The following FXYD6 variants were observed in gnomAD, a reference collection of about 807,000 sequenced individuals.
FXYD6 encodes the protein FXYD domain containing ion transport regulator 6, also known as FXYD domain-containing ion transport regulator 6.
FXYD6 carries 7 observed loss-of-function variants against 16.7 expected under a neutral mutation model. The observed-to-expected ratio is 0.42, with a 90% CI of 0.24 to 0.79. The LOEUF is 0.79. Among genes scored for constraint, FXYD6 ranks in the 30% least tolerant of loss-of-function variants. FXYD6 has a pLI of 0.28. For synonymous variants in FXYD6, 49 were observed against 43.0 expected, an observed-to-expected ratio of 1.14 and a Z score of -0.54; for missense variants, 111 against 116.2, an observed-to-expected ratio of 0.95 and a Z score of 0.21.
chr11:117,858,645 TTC>T (rs1490775515), intron 1 of FXYD6, among the ~76,000 whole-genome samples: 2 of 48,842 alleles, frequency 4.1e-5, no homozygotes, highest in African/African-American at 1.6e-4. Context: ...CTTTCTTTCT[TTC>T]TTTCTTTCTT....
At chr11:117,857,386 TCA>T (rs2056757110) in intron 1 of FXYD6, among the ~76,000 whole-genome samples, 2 of 150,330 alleles carry the variant, frequency 1.3e-5, no homozygotes, top group Admixed American at 1.3e-4. Context: ...GACAAACTGG[TCA>T]GATGTATTGG....
At position 117,843,222 on chromosome 11, in the gene FXYD6, A is replaced by G. The variant is rs552134950; in HGVS notation, c.-5-441T>C. Among the ~76,000 whole-genome samples the G allele has an allele frequency of 5.5e-4, 84 of 152,370 alleles. 1 individual carries two copies. The highest frequency in any genetic ancestry group is 5.5e-3 in the Admixed American group (84 of 15,312). On this transcript the variant is annotated intron_variant, in intron 1 of 7. Coordinates refer to ENST00000526014, the MANE Select transcript of FXYD6 (RefSeq NM_022003.4). ...AGGGCTGGGATTATAGGCGTGAGCC[A>G]CCACCAGTTGACATTTCTTGGACTC...
chr11:117,877,315 C>CT (rs2057291195), upstream of FXYD6: 1 of 152,320 alleles, frequency 6.6e-6, no homozygotes, highest in African/African-American at 2.4e-5. Context: ...CATAGATCTG[C>CT]TGCCTTGAAC....
chr11:117,838,651 T>C (rs1176395586), intron 7 of FXYD6: 8 of 244,254 alleles, frequency 3.3e-5, no homozygotes, highest in Non-Finnish European at 4.9e-5. Context: ...TGTGATGAAA[T>C]AGACAGAACA....
Position 117,874,739 on chromosome 11 carries a change from A to C in FXYD6, c.-6+1853T>G, listed in dbSNP as rs57315249. 8.0e-3 allele frequency among the ~76,000 whole-genome samples: 1,225 copies of C among 152,360 alleles called. 18 individuals are homozygous for C. Among genetic ancestry groups the C allele is most frequent in the African/African-American group, 0.028 (1,165 of 41,580 alleles). On this transcript the variant is annotated intron_variant, in intron 1 of 7. Transcript: ENST00000526014. ...CTGGGTCAGGGAAAAGAGCAGCGGC[A>C]GTGGAGAGATTGAAATTCTGGTCAG...
intron 1 of FXYD6, among the ~76,000 whole-genome samples, chr11:117,855,118 CTCAGATAAGATGGTTGGAA>C (rs1442706681): frequency 6.6e-6 from 1 of 152,080 alleles, no homozygotes; most frequent in African/African-American, 2.4e-5. Context: ...GTGGTGAGAA[CTCAGATAAGATGGTTGGAA>C]TCAGATTGCA....
At chr11:117,848,429 T>G (rs1385815020) in intron 1 of FXYD6, among the ~76,000 whole-genome samples, 1 of 152,080 alleles carries the variant, frequency 6.6e-6, no homozygotes, top group Non-Finnish European at 1.5e-5. Flanking sequence ...ACAGATGGAT[T>G]TGGCTTACTG....
intron 1 of FXYD6, among the ~76,000 whole-genome samples, chr11:117,858,701 TTCTC>T (rs201736623): frequency 1.4e-4 from 8 of 58,340 alleles, no homozygotes; most frequent in South Asian, 6.6e-4. Context: ...CTTTCTTTCT[TTCTC>T]TCTCTCTCTC....
intron 1 of FXYD6, among the ~76,000 whole-genome samples, chr11:117,863,893 A>T (rs896677988): frequency 6.6e-6 from 1 of 152,222 alleles, no homozygotes; most frequent in Non-Finnish European, 1.5e-5. Flanking sequence ...TTTAGAAATT[A>T]ACCAAGAAGA....
At chr11:117,850,442 T>G (rs73018499) in intron 1 of FXYD6, among the ~76,000 whole-genome samples, 2,133 of 152,342 alleles carry the variant, frequency 0.014, 22 homozygotes, top group Non-Finnish European at 0.022. Flanking sequence ...TGTGTCCTTA[T>G]GTGTTGTGTG....
chr11:117,871,015 G>A (rs1039409915), intron 1 of FXYD6, among the ~76,000 whole-genome samples: 9 of 152,136 alleles, frequency 5.9e-5, no homozygotes, highest in African/African-American at 2.2e-4. Context: ...GGATCTGTAG[G>A]GAATTTTTCA....
At chr11:117,866,719 G>A (rs1162827001) in intron 1 of FXYD6, among the ~76,000 whole-genome samples, 1 of 152,206 alleles carries the variant, frequency 6.6e-6, no homozygotes, top group Non-Finnish European at 1.5e-5. Context: ...GTGCCCCGCT[G>A]CACTTTGCCT....
At chr11:117,868,050 A>T (rs1426675060) in intron 1 of FXYD6, among the ~76,000 whole-genome samples, 1 of 151,864 alleles carries the variant, frequency 6.6e-6, no homozygotes, top group African/African-American at 2.4e-5. Context: ...CTTTCTCCAG[A>T]CTCCAAGAGC....
In FXYD6 at chr11:117,870,964, TC is replaced by T. The variant is rs1309645567; in HGVS notation, c.-6+5627del. 6.6e-6 allele frequency among the ~76,000 whole-genome samples: 1 copy of T among 152,142 alleles called. No individual in the cohort carries two copies. The highest frequency in any genetic ancestry group is 1.5e-5 in the Non-Finnish European group (1 of 68,020). ...ATGAAAGGACGCTTCAGCATCATTA[TC>T]CCTTTACATCAAATCCATTCTAAGC... On this transcript the variant is annotated intron_variant, in intron 1 of 7. Coordinates refer to ENST00000526014, the MANE Select transcript of FXYD6 (RefSeq NM_022003.4). The surrounding 1 kb of genome is among the most constrained non-coding windows in gnomAD (Gnocchi z 4.2).
upstream of FXYD6, chr11:117,877,039 GGT>G (rs1180877545): frequency 6.6e-6 from 1 of 152,274 alleles, no homozygotes; most frequent in African/African-American, 2.4e-5. Context: ...GTTTCCCTCT[GGT>G]TAGGGTGGGA....
intron 1 of FXYD6, among the ~76,000 whole-genome samples, chr11:117,848,054 T>C (rs538393634): frequency 4.6e-5 from 7 of 152,344 alleles, no homozygotes; most frequent in South Asian, 2.1e-4. Context: ...ATGATCGCCA[T>C]TCTAACTGGT....
chr11:117,840,474 C>T lies in FXYD6; in HGVS notation c.210-106G>A, dbSNP rs148930995. 856 of 1,484,708 alleles carry T rather than the reference C, an allele frequency of 5.8e-4. 11 individuals carry two copies. In the African/African-American group the frequency reaches 0.01, roughly 18 times the overall value. 92.0% of individuals were successfully genotyped at this position (1,484,708 alleles called of 1,614,324 possible). On this transcript the variant is annotated intron_variant, in intron 5 of 7. Transcript: ENST00000526014. ...CACAGCTGCCTGCAGTCAGGCTCCT[C>T]CCAGTGCCCTGAGGGGCTGGAGCTC...
intron 1 of FXYD6, chr11:117,843,526 C>G (rs1486909030): frequency 6.6e-6 from 1 of 152,236 alleles, no homozygotes; most frequent in Non-Finnish European, 1.5e-5. Flanking sequence ...TCAGAAATGT[C>G]TCTTAATATC....
intron 1 of FXYD6, among the ~76,000 whole-genome samples, chr11:117,858,668 TTTCTTTCTTTCTTTC>T (rs1417987130): frequency 8.2e-5 from 7 of 84,962 alleles, no homozygotes; most frequent in Non-Finnish European, 1.3e-4. Flanking sequence ...TCTTTCTTTC[TTTCTTTCTTTCTTTC>T]TTTCTTTCTT....
Sources: gnomAD v4.1 joint callset for allele counts (sites outside exome capture counted in the v4.1 genomes callset) on GRCh38, gnomAD v4.1.1 for gene constraint, Gnocchi (gnomAD v3.1) non-coding constraint, MANE v1.5 for transcripts, NCBI Gene and HGNC (gene_info 2026-07-23, HGNC 2026-07-21) for gene names.